FRMPD3: variants seen among roughly 807,000 people sequenced by gnomAD.
FRMPD3 encodes FERM and PDZ domain-containing protein 3.
FRMPD3 carries 42 observed loss-of-function variants against 97.9 expected under a neutral mutation model. The ratio of observed to expected loss-of-function variants is 0.43; its 90% CI spans 0.34 to 0.55. The LOEUF (loss-of-function observed/expected upper bound fraction) is 0.55, where lower values mean the gene tolerates loss of function less well. FRMPD3 is among the 20% of genes least tolerant of loss of function. The probability of loss-of-function intolerance (pLI) is 0.03; values close to 1 mark genes in which losing one functional copy is unlikely to be tolerated. For missense variants in FRMPD3, 1,303 were observed against 1,457.7 expected, an observed-to-expected ratio of 0.89 and a Z score of 1.73; for synonymous variants, 577 against 581.1, an observed-to-expected ratio of 0.99 and a Z score of 0.10.
At chrX:107,490,253 G>A (rs1245529397) in intron 1 of FRMPD3, among the ~76,000 whole-genome samples, 1 of 112,316 alleles carries the variant, frequency 8.9e-6, no homozygotes, top group Non-Finnish European at 1.9e-5. Context: ...TTGTAGTATA[G>A]TTTGAAGTTG....
At chrX:107,555,622 G>A (rs1354328453) in intron 8 of FRMPD3, among the ~76,000 whole-genome samples, 1 of 111,791 alleles carries the variant, frequency 8.9e-6, no homozygotes, top group Non-Finnish European at 1.9e-5. Context: ...AAATTATCTG[G>A]GAGGTTTGGG....
At chrX:107,516,185 T>G (rs1281167835) in intron 1 of FRMPD3, among the ~76,000 whole-genome samples, 1 of 109,725 alleles carries the variant, frequency 9.1e-6, no homozygotes, top group Non-Finnish European at 1.9e-5. Flanking sequence ...TTCATCCATG[T>G]CCCTACAAAG....
At chrX:107,469,070 T>C (rs776669858) in intron 1 of FRMPD3, among the ~76,000 whole-genome samples, 4 of 111,674 alleles carry the variant, frequency 3.6e-5, no homozygotes, top group Non-Finnish European at 7.5e-5. Flanking sequence ...GAGAAAGATA[T>C]GTAGAGTGGT....
intron 1 of FRMPD3, among the ~76,000 whole-genome samples, chrX:107,453,748 C>A (rs1931330284): frequency 9.0e-6 from 1 of 111,300 alleles, no homozygotes; most frequent in South Asian, 3.8e-4. Flanking sequence ...GGACAGTGAT[C>A]TTGGGGTTCT....
At chrX:107,514,933 T>A (rs991932156) in intron 1 of FRMPD3, among the ~76,000 whole-genome samples, 22 of 111,570 alleles carry the variant, frequency 2.0e-4, no homozygotes, top group Non-Finnish European at 1.1e-4. Flanking sequence ...CTCTCAGGTT[T>A]CTGGCTTAAG....
At chrX:107,502,281 C>G (rs191081025) in intron 1 of FRMPD3, among the ~76,000 whole-genome samples, 1 of 110,407 alleles carries the variant, frequency 9.1e-6, no homozygotes, top group Non-Finnish European at 1.9e-5. Context: ...GAGGCTTGCT[C>G]CGGCTACGAG....
intron 1 of FRMPD3, among the ~76,000 whole-genome samples, chrX:107,476,896 T>C (rs1288554111): frequency 8.9e-6 from 1 of 112,285 alleles, no homozygotes; most frequent in Non-Finnish European, 1.9e-5. Context: ...CTGAAGAAGT[T>C]TGTAGTCTCA....
intron 9 of FRMPD3, 137 bp from the exon 10 acceptor site, chrX:107,560,590 T>C: frequency 1.1e-6 from 1 of 888,121 alleles, no homozygotes; most frequent in East Asian, 3.4e-5. Flanking sequence ...TATTTTCCTA[T>C]CCCTGTCCCT....
At chrX:107,588,149 A>T (rs961966409) in intron 13 of FRMPD3, among the ~76,000 whole-genome samples, 1 of 111,403 alleles carries the variant, frequency 9.0e-6, no homozygotes, top group African/African-American at 3.3e-5. Flanking sequence ...TTCCCTTTGT[A>T]GGTGACCTGG....
intron 1 of FRMPD3, among the ~76,000 whole-genome samples, chrX:107,472,567 G>A (rs143336423): frequency 0.011 from 1,254 of 110,702 alleles, 9 homozygotes; most frequent in Non-Finnish European, 0.019. Flanking sequence ...ATCCTTCACC[G>A]GCAACCAAGG....
chrX:107,599,350 A>G (rs1168494547), intron 14 of FRMPD3, among the ~76,000 whole-genome samples: 2 of 111,811 alleles, frequency 1.8e-5, no homozygotes, highest in Admixed American at 1.9e-4. Flanking sequence ...AGGGACCACG[A>G]GGGATTGGGG....
intron 8 of FRMPD3, among the ~76,000 whole-genome samples, chrX:107,555,512 G>T (rs907636094): frequency 6.2e-5 from 7 of 112,061 alleles, no homozygotes; most frequent in Non-Finnish European, 1.9e-5. Flanking sequence ...GCAGAATTCA[G>T]TACTCTGTGT....
At chrX:107,520,477 T>TA (rs1479813211) in intron 1 of FRMPD3, among the ~76,000 whole-genome samples, 1 of 97,817 alleles carries the variant, frequency 1.0e-5, no homozygotes, top group African/African-American at 4.0e-5. Context: ...CTGTCTCTAC[T>TA]AAAAATACAA....
intron 8 of FRMPD3, among the ~76,000 whole-genome samples, chrX:107,558,237 G>A (rs1193934878): frequency 9.0e-6 from 1 of 110,912 alleles, no homozygotes; most frequent in Non-Finnish European, 1.9e-5. Flanking sequence ...CATATGTTTT[G>A]TCAGATTTGT....
Position 107,594,581 on chromosome X carries a change from C to T in FRMPD3, c.1442-2740C>T, listed in dbSNP as rs751920281. 6.3e-4 allele frequency among the ~76,000 whole-genome samples: 71 copies of T among 112,123 alleles called. 1 individual carries two copies. Among genetic ancestry groups the T allele is most frequent in the African/African-American group, 2.2e-3 (69 of 30,936 alleles). On this transcript the variant is annotated intron_variant, in intron 13 of 14. Coordinates refer to ENST00000683843, the MANE Select transcript of FRMPD3 (RefSeq NM_001388459.1). Reference sequence around the variant, plus strand: ...GTAGGCACTTTCAGCTACAGATTTCCCCTTTAAGAACTATTTTAGGCCGGG... The same window carrying T: ...GTAGGCACTTTCAGCTACAGATTTCTCCTTTAAGAACTATTTTAGGCCGGG...
At chrX:107,535,660 G>A (rs1186528907) in intron 4 of FRMPD3, among the ~76,000 whole-genome samples, 1 of 93,328 alleles carries the variant, frequency 1.1e-5, no homozygotes, top group Non-Finnish European at 2.1e-5. Flanking sequence ...GTGACAGAGC[G>A]AGACTCCATC....
At chrX:107,461,026 G>A (rs1234139808) in intron 1 of FRMPD3, among the ~76,000 whole-genome samples, 6 of 111,642 alleles carry the variant, frequency 5.4e-5, no homozygotes, top group East Asian at 2.8e-4. Context: ...TTTAGTGTCC[G>A]TCACCTGCAA....
rs1921034510 is a variant in FRMPD3 at position 107,470,677 on chromosome X, A to C, written c.-8+20672A>C. 3.6e-5 allele frequency among the ~76,000 whole-genome samples: 4 copies of C among 112,623 alleles called. No individual in the cohort carries two copies. In the South Asian group the frequency reaches 1.5e-3, roughly 42 times the overall value. ...GGAGGGGATACACAAGGGTGTGAACATCAGGAGGTGGGGATTATTTGGCAA... is the reference window on the plus strand; with the variant it reads ...GGAGGGGATACACAAGGGTGTGAACCTCAGGAGGTGGGGATTATTTGGCAA... On this transcript the variant is annotated intron_variant, in intron 1 of 14. Coordinates refer to ENST00000683843, the MANE Select transcript of FRMPD3 (RefSeq NM_001388459.1).
Position 107,600,409 on chromosome X carries a change from G to T in FRMPD3, c.2370G>T (p.Lys790Asn). ...TGTCAGAGATGATGTCGGCCATGAAGCAGCACCAGAACACCACCTACTTCC... is the reference window on the plus strand; with the variant it reads ...TGTCAGAGATGATGTCGGCCATGAATCAGCACCAGAACACCACCTACTTCC... ...TDMSEMMSAM[K>N]QHQNTTYFLA... Residue 790 changes from lysine to asparagine, a missense_variant, in exon 15 of 15, where the codon AAG becomes AAT. Around this residue, in one of 3 missense-constraint regions of FRMPD3, gnomAD observed 764 missense variants for 820.2 expected, o/e 0.93. Transcript: ENST00000683843. 4.1e-6 allele frequency: 5 copies of T among 1,210,809 alleles called. No individual in the cohort carries two copies. In the South Asian group the frequency reaches 7.0e-5, roughly 17 times the overall value.
Sources: allele counts gnomAD v4.1 joint callset (sites outside exome capture counted in the v4.1 genomes callset), GRCh38; gene constraint gnomAD v4.1.1; regional missense constraint gnomAD v4.1.1; transcripts MANE v1.5; gene names NCBI Gene and HGNC (gene_info 2026-07-23, HGNC 2026-07-21).